SLC25A24: variants seen among roughly 807,000 people sequenced by gnomAD.
SLC25A24 encodes the protein solute carrier family 25 member 24.
SLC25A24 carries 49 observed loss-of-function variants against 60.7 expected under a neutral mutation model. The ratio of observed to expected loss-of-function variants is 0.81; its 90% CI spans 0.64 to 1.02. The LOEUF (loss-of-function observed/expected upper bound fraction) is 1.02. Ranked by LOEUF, SLC25A24 falls within the 50% of genes least tolerant of loss-of-function variation. The probability of loss-of-function intolerance (pLI) is 0.00; values close to 1 mark genes in which losing one functional copy is unlikely to be tolerated. For missense variants in SLC25A24, 564 were observed against 586.3 expected (o/e 0.96, Z 0.39); for synonymous variants, 202 against 200.6 (o/e 1.01, Z -0.06).
At chr1:108,189,021 T>C (rs1648249430) in intron 1 of SLC25A24, among the ~76,000 whole-genome samples, 2 of 152,264 alleles carry the variant, frequency 1.3e-5, no homozygotes, top group Admixed American at 1.3e-4. Flanking sequence ...TTTTCAGTGT[T>C]TCAGCAAGTT....
chr1:108,161,023 T>C (rs571847226), intron 4 of SLC25A24, among the ~76,000 whole-genome samples, 159 bp downstream of exon 4: 10 of 152,056 alleles, frequency 6.6e-5, no homozygotes, highest in African/African-American at 2.4e-4. Flanking sequence ...TTTAATACTC[T>C]ATAAATCTAT....
intron 8 of SLC25A24, among the ~76,000 whole-genome samples, chr1:108,140,737 G>A (rs1471586541): frequency 6.6e-6 from 1 of 151,090 alleles, no homozygotes; most frequent in East Asian, 1.9e-4. Context: ...TATGCTTTAT[G>A]TAGTTGCAAT....
chr1:108,190,604 A>G (rs371385977), intron 1 of SLC25A24, among the ~76,000 whole-genome samples: 3 of 152,284 alleles, frequency 2.0e-5, no homozygotes, highest in East Asian at 3.9e-4. Context: ...ACAGGAAAAA[A>G]CAAAACAATA....
At chr1:108,141,517 T>C (rs1222396315) in intron 8 of SLC25A24, among the ~76,000 whole-genome samples, 1 of 152,174 alleles carries the variant, frequency 6.6e-6, no homozygotes, top group Non-Finnish European at 1.5e-5. Context: ...CTTCTGAGTA[T>C]ATGTCAAAAA....
At position 108,182,014 on chromosome 1, in the gene SLC25A24, A is replaced by T; in HGVS notation, c.325T>A (p.Ser109Thr). ...GTCTGGAGAGACTGGACAATTTCTG[A>T]AGCCTCAATTTTTCCTTTAAAAAAA... ...DKNNDGKIEA[S>T]EIVQSLQTLG... Residue 109 changes from serine to threonine, a missense_variant, in exon 3 of 10, where the codon TCA (serine) becomes ACA (threonine). Ser to Thr is a moderately conservative substitution (Grantham distance 58). Transcript: ENST00000565488. 1.2e-6 allele frequency: 2 copies of T among 1,610,272 alleles called. No individual in the cohort carries two copies. The highest frequency in any genetic ancestry group is 1.7e-6 in the Non-Finnish European group (2 of 1,177,130).
chr1:108,140,332 A>G (rs543621820), intron 8 of SLC25A24, among the ~76,000 whole-genome samples: 183 of 152,224 alleles, frequency 1.2e-3, no homozygotes, highest in African/African-American at 4.4e-3. Flanking sequence ...AGAAATTAAG[A>G]CTGTCCCTGA....
chr1:108,144,156 G>A (rs1362929162), intron 7 of SLC25A24, among the ~76,000 whole-genome samples: 1 of 151,992 alleles, frequency 6.6e-6, no homozygotes, highest in East Asian at 1.9e-4. Flanking sequence ...GAGGTGTGTG[G>A]AGTAATATAA....
At chr1:108,159,900 A>T (rs11185290) in intron 4 of SLC25A24, among the ~76,000 whole-genome samples, 73,612 of 148,038 alleles carry the variant, frequency 0.5, 18,782 homozygotes, top group African/African-American at 0.62. Flanking sequence ...CCGATTTCTC[A>T]ATCTTTTCCC....
chr1:108,192,746 C>A (rs1185690400), intron 1 of SLC25A24: 1 of 1,375,240 alleles, frequency 7.3e-7, no homozygotes, highest in African/African-American at 1.4e-5. Flanking sequence ...CAGCATCCTC[C>A]TCAGGGGCGC....
chr1:108,199,669 A>G (rs1376637196), intron 1 of SLC25A24: 2 of 532,216 alleles, frequency 3.8e-6, no homozygotes, highest in Admixed American at 7.1e-5. Flanking sequence ...TGGATTCAGG[A>G]CAAAAGTGTC....
At chr1:108,172,294 C>T (rs988736449) in intron 3 of SLC25A24, among the ~76,000 whole-genome samples, 3 of 152,214 alleles carry the variant, frequency 2.0e-5, no homozygotes, top group Non-Finnish European at 4.4e-5. Flanking sequence ...CCAGTCACAG[C>T]TGTTTCAATC....
At chr1:108,198,355 G>A (rs1224189418) in intron 1 of SLC25A24, 2 of 152,116 alleles carry the variant, frequency 1.3e-5, no homozygotes, top group African/African-American at 2.4e-5. Context: ...GTGAAAATGG[G>A]TCTAAGGTTT....
At chr1:108,138,767 A>G (rs1204048714) in intron 9 of SLC25A24, among the ~76,000 whole-genome samples, 4 of 152,180 alleles carry the variant, frequency 2.6e-5, no homozygotes, top group Non-Finnish European at 5.9e-5. Flanking sequence ...AAAGCTTATA[A>G]TCTTAAAACG....
chr1:108,176,838 T>A (rs1431324768), intron 3 of SLC25A24, among the ~76,000 whole-genome samples: 1 of 152,060 alleles, frequency 6.6e-6, no homozygotes, highest in Non-Finnish European at 1.5e-5. Flanking sequence ...AGGGAGATAA[T>A]CATGACCGCA....
intron 3 of SLC25A24, among the ~76,000 whole-genome samples, chr1:108,163,076 C>G (rs1226789193): frequency 1.5e-5 from 2 of 132,492 alleles, no homozygotes; most frequent in African/African-American, 3.0e-5. Flanking sequence ...GCTTGTTTTT[C>G]TCAGGTTTGT....
At chr1:108,197,290 CTT>C (rs1412974464) in intron 1 of SLC25A24, among the ~76,000 whole-genome samples, 14 of 152,148 alleles carry the variant, frequency 9.2e-5, no homozygotes, top group Middle Eastern at 6.3e-3. Flanking sequence ...TCTAAAGAAA[CTT>C]AAACAGAAAT....
At chr1:108,160,716 G>A (rs892875473) in intron 4 of SLC25A24, among the ~76,000 whole-genome samples, 6 of 152,392 alleles carry the variant, frequency 3.9e-5, no homozygotes, top group East Asian at 1.9e-4. Context: ...GGGAGGCCGA[G>A]GCTGGTGGAT....
chr1:108,182,047 G>A lies in SLC25A24; in HGVS notation c.311-19C>T, dbSNP rs373754515. 2.4e-4 allele frequency: 353 copies of A among 1,484,130 alleles called. No individual in the cohort carries two copies. In the African/African-American group the frequency reaches 4.6e-3, roughly 19 times the overall value. 91.9% of individuals were successfully genotyped at this position (1,484,130 alleles called of 1,614,324 possible). ...ATTTTTCCTTTAAAAAAATAAAAAG[G>A]GCAAAAAATAAAACTCAGAACTGGT... On this transcript the variant is annotated intron_variant, in intron 2 of 9. Coordinates refer to ENST00000565488, the MANE Select transcript of SLC25A24 (RefSeq NM_013386.5).
intron 3 of SLC25A24, among the ~76,000 whole-genome samples, chr1:108,167,666 C>G (rs903183063): frequency 5.9e-5 from 9 of 152,230 alleles, no homozygotes; most frequent in Non-Finnish European, 1.3e-4. Flanking sequence ...ACGGTGCGCA[C>G]ACCCACTGAC....
Sources: gnomAD v4.1 joint callset for allele counts (sites outside exome capture counted in the v4.1 genomes callset) on GRCh38, gnomAD v4.1.1 for gene constraint, MANE v1.5 for transcripts, NCBI Gene and HGNC (gene_info 2026-07-23, HGNC 2026-07-21) for gene names.